The following TRPM1 variants were observed in gnomAD, a reference collection of about 807,000 sequenced individuals.
TRPM1 encodes TRPM1-203 APA Isoform, Intron 10.
Under a neutral mutation model 149.4 loss-of-function variants are expected in TRPM1, and 113 were observed. That is an observed-to-expected ratio of 0.76 (90% CI 0.65 to 0.88). The LOEUF is 0.88. TRPM1 is among the 40% of genes least tolerant of loss of function. TRPM1 has a pLI of 0.00. For synonymous variants in TRPM1, 741 were observed against 759.5 expected (o/e 0.98, Z 0.40); for missense variants, 1,976 against 2,038.7 (o/e 0.97, Z 0.59).
Position 31,071,992 on chromosome 15 carries a change from T to C in TRPM1, c.84-1766A>G, listed in dbSNP as rs1173527114. ...AAAAAAAAAAAAACATATATATATA[T>C]ATATATATATATATATATATATATA... On this transcript the variant is annotated intron_variant, in intron 3 of 27. Transcript: ENST00000256552. Among the ~76,000 whole-genome samples, 207 of 60,292 alleles carry C rather than the reference T, an allele frequency of 3.4e-3. 2 individuals are homozygous for C. Among genetic ancestry groups the C allele is most frequent in the African/African-American group, 0.014 (173 of 12,314 alleles). 39.6% of individuals were successfully genotyped at this position (60,292 alleles called of 152,430 possible).
intron 13 of TRPM1, among the ~76,000 whole-genome samples, chr15:31,048,495 G>C (rs1478330077): frequency 1.3e-5 from 2 of 152,036 alleles, no homozygotes; most frequent in Non-Finnish European, 2.9e-5. Flanking sequence ...GCACAATATA[G>C]TGTTAATAAT....
rs2141099161 is a variant in TRPM1, at chr15:31,002,256, A to G, written c.4444T>C (p.Ser1482Pro). ...GGVNQDVEYSSITDQQLTTEW... is the reference protein window; with the variant it reads ...GGVNQDVEYSPITDQQLTTEW... ...GTCGTCAATTGCTGGTCCGTGATTG[A>G]ACTGTACTCTACATCCTGGTTAACC... is the stretch of plus-strand genomic sequence containing the variant. Residue 1482 changes from serine to proline, a missense_variant, in exon 28 of 28, where the codon TCA becomes CCA. Transcript: ENST00000256552. 1 of 1,614,192 alleles carries G rather than the reference A, an allele frequency of 6.2e-7. No homozygotes were observed. The highest frequency in any genetic ancestry group is 2.2e-5 in the East Asian group (1 of 44,890).
chr15:31,028,314 A>C lies in TRPM1; in HGVS notation c.3293+18T>G. ...AGTAATAAATAATAAGCATGTGGTC[A>C]TCGGCTGTGACACGTACTTGAACAC... On this transcript the variant is annotated intron_variant, in intron 25 of 27. Transcript: ENST00000256552. 1 of 1,614,154 alleles carries C rather than the reference A, an allele frequency of 6.2e-7. No individual in the cohort carries two copies. Among genetic ancestry groups the C allele is most frequent in the Non-Finnish European group, 8.5e-7 (1 of 1,180,014 alleles).
At chr15:31,049,341 C>G in intron 13 of TRPM1, 34 bp downstream of exon 13, 1 of 1,614,062 alleles carries the variant, frequency 6.2e-7, no homozygotes. Context: ...AGGTGGCTGC[C>G]TCCCGCTTCC....
chr15:31,104,841 AC>A (rs2035580178), upstream of TRPM1, among the ~76,000 whole-genome samples: 1 of 151,616 alleles, frequency 6.6e-6, no homozygotes, highest in Non-Finnish European at 1.5e-5. Context: ...TGATCCGCCC[AC>A]CCTGGCCTCC....
exon 1 of TRPM1, chr15:31,160,942 C>G: frequency 6.5e-7 from 1 of 1,535,532 alleles, no homozygotes; most frequent in South Asian, 1.2e-5. Flanking sequence ...TGAGCGAGCC[C>G]CGCTTGAAGG....
chr15:31,008,248 G>A (rs1440052182), intron 27 of TRPM1, among the ~76,000 whole-genome samples: 2 of 152,126 alleles, frequency 1.3e-5, no homozygotes, highest in Non-Finnish European at 2.9e-5. Context: ...TGGTGAGAGT[G>A]GCCATCCTTC....
At chr15:31,041,718 A>G (rs2033622939) in intron 17 of TRPM1, among the ~76,000 whole-genome samples, 1 of 152,206 alleles carries the variant, frequency 6.6e-6, no homozygotes, top group Admixed American at 6.5e-5. Flanking sequence ...AAGGAAAAAA[A>G]TTGTGTTTCA....
At chr15:31,019,817 C>T (rs909617504) in intron 27 of TRPM1, among the ~76,000 whole-genome samples, 8 of 151,372 alleles carry the variant, frequency 5.3e-5, no homozygotes, top group South Asian at 2.1e-4. Context: ...ACAGGCCTTT[C>T]GCTGCCACAC....
intron 1 of TRPM1, among the ~76,000 whole-genome samples, chr15:31,082,272 T>C (rs886871669): frequency 1.2e-4 from 19 of 152,138 alleles, no homozygotes; most frequent in Non-Finnish European, 2.6e-4. Context: ...TGCCGGATGA[T>C]AGGAGCACTG....
intron 1 of TRPM1, among the ~76,000 whole-genome samples, chr15:31,125,918 G>A (rs1222129094): frequency 6.6e-6 from 1 of 151,800 alleles, no homozygotes; most frequent in Non-Finnish European, 1.5e-5. Flanking sequence ...ATCACTTGAG[G>A]TGAGGAGTTC....
At chr15:31,160,383 A>T (rs1256164558) in intron 1 of TRPM1, among the ~76,000 whole-genome samples, 2 of 151,988 alleles carry the variant, frequency 1.3e-5, no homozygotes, top group Non-Finnish European at 2.9e-5. Flanking sequence ...CCAGGTTCTC[A>T]CTTAGGGCCC....
chr15:31,096,996 C>T (rs1035019692), intron 1 of TRPM1, among the ~76,000 whole-genome samples: 7 of 152,228 alleles, frequency 4.6e-5, no homozygotes, highest in Non-Finnish European at 7.3e-5. Flanking sequence ...ACGGTGGAGG[C>T]TGCCAGCACG....
At chr15:31,103,139 C>G (rs1049889740), upstream of TRPM1, among the ~76,000 whole-genome samples, 1 of 152,182 alleles carries the variant, frequency 6.6e-6, no homozygotes, top group African/African-American at 2.4e-5. Flanking sequence ...ATGGCCAGCC[C>G]GACCGGCTGC....
intron 27 of TRPM1, among the ~76,000 whole-genome samples, chr15:31,018,935 C>T (rs535420239): frequency 2.6e-4 from 40 of 152,320 alleles, no homozygotes; most frequent in African/African-American, 8.9e-4. Flanking sequence ...AGATTACAGG[C>T]GTGAGCCACT....
chr15:31,021,702 T>TAAAAAA (rs34186876), intron 27 of TRPM1, among the ~76,000 whole-genome samples: 5 of 119,354 alleles, frequency 4.2e-5, no homozygotes, highest in Non-Finnish European at 5.4e-5. Flanking sequence ...TCTCTAGAAT[T>TAAAAAA]AAAAAAAAAA....
chr15:31,053,323 T>C (rs2033998537), intron 11 of TRPM1, among the ~76,000 whole-genome samples: 1 of 152,134 alleles, frequency 6.6e-6, no homozygotes, highest in African/African-American at 2.4e-5. Context: ...CGATGTTGGC[T>C]CACTGCAACC....
intron 5 of TRPM1, 128 bp downstream of exon 5, chr15:31,067,751 A>G: frequency 3.2e-6 from 3 of 924,248 alleles, no homozygotes; most frequent in Non-Finnish European, 5.1e-6. Flanking sequence ...TAAAGACTTC[A>G]CTTTAGTCAT....
intron 1 of TRPM1, among the ~76,000 whole-genome samples, chr15:31,094,805 G>C (rs77512536): frequency 1.3e-5 from 2 of 152,178 alleles, no homozygotes; most frequent in East Asian, 3.8e-4. Context: ...AGTCACTTTG[G>C]AAAATGATTT....
Sources: allele counts gnomAD v4.1 joint callset (sites outside exome capture counted in the v4.1 genomes callset), GRCh38; gene constraint gnomAD v4.1.1; transcripts MANE v1.5; gene names NCBI Gene and HGNC (gene_info 2026-07-23, HGNC 2026-07-21).